DLGAP2: variants seen among roughly 807,000 people sequenced by gnomAD.
DLGAP2 encodes the protein disks large-associated protein 2.
Under a neutral mutation model 100.3 loss-of-function variants are expected in DLGAP2, and 26 were observed. The ratio of observed to expected loss-of-function variants is 0.26; its 90% CI spans 0.19 to 0.36. The LOEUF is 0.36. DLGAP2 is among the 10% of genes least tolerant of loss of function. The pLI is 1.00. For synonymous variants in DLGAP2, 886 were observed against 630.1 expected, an observed-to-expected ratio of 1.41 and a Z score of -6.08; for missense variants, 1,858 against 1,453.2, an observed-to-expected ratio of 1.28 and a Z score of -4.53.
intron 2 of DLGAP2, among the ~76,000 whole-genome samples, chr8:1,052,827 A>C (rs1292773035): frequency 6.6e-6 from 1 of 152,166 alleles, no homozygotes; most frequent in African/African-American, 2.4e-5. Flanking sequence ...ATAGAAACAC[A>C]GGGCAATGAC....
At chr8:824,825 T>C (rs937679719) in intron 1 of DLGAP2, among the ~76,000 whole-genome samples, 2 of 152,102 alleles carry the variant, frequency 1.3e-5, no homozygotes, top group Non-Finnish European at 2.9e-5. Context: ...TGCCCACTGG[T>C]TTGGTGGCAC....
chr8:824,547 C>T (rs1325645824), intron 1 of DLGAP2, among the ~76,000 whole-genome samples: 2 of 152,140 alleles, frequency 1.3e-5, no homozygotes, highest in Non-Finnish European at 2.9e-5. Context: ...GTATTCGTGA[C>T]TCCTGTCCCC....
chr8:923,419 G>A (rs1405898421), intron 2 of DLGAP2, among the ~76,000 whole-genome samples: 2 of 152,252 alleles, frequency 1.3e-5, no homozygotes, highest in Non-Finnish European at 2.9e-5. Flanking sequence ...GCATGGGTGT[G>A]AGTGCTGATG....
intron 3 of DLGAP2, among the ~76,000 whole-genome samples, chr8:1,333,235 AC>A (rs1801198562): frequency 6.6e-6 from 1 of 151,946 alleles, no homozygotes; most frequent in Admixed American, 6.5e-5. Flanking sequence ...ACCCACTGCT[AC>A]CCTGGCCAGG....
intron 2 of DLGAP2, among the ~76,000 whole-genome samples, chr8:1,010,469 C>G (rs1801248527): frequency 1.3e-5 from 2 of 152,242 alleles, no homozygotes. Flanking sequence ...TGTGTGCACA[C>G]ATGTGCACTC....
Position 1,413,322 on chromosome 8 carries a change from T to A in DLGAP2, c.107-88044T>A, listed in dbSNP as rs76422417. Among the ~76,000 whole-genome samples, 533 of 152,274 alleles carry A rather than the reference T, an allele frequency of 3.5e-3. 10 individuals are homozygous for A. In the East Asian group the frequency reaches 0.047, roughly 14 times the overall value. On this transcript the variant is annotated intron_variant, in intron 3 of 14. Transcript: ENST00000637795. ...AGAATGAATAAATGGATAGATATTT[T>A]CAAGAACAGAGGAAGAAAATGAATT...
chr8:919,509 A>G (rs1798664826), intron 2 of DLGAP2, among the ~76,000 whole-genome samples: 1 of 152,136 alleles, frequency 6.6e-6, no homozygotes, highest in African/African-American at 2.4e-5. Context: ...CCTGCTGGGC[A>G]GTGTTCATTT....
At chr8:1,624,541 G>A (rs949495431) in intron 6 of DLGAP2, among the ~76,000 whole-genome samples, 2 of 151,712 alleles carry the variant, frequency 1.3e-5, no homozygotes, top group African/African-American at 2.4e-5. Flanking sequence ...ACTTGTGACC[G>A]TGTCTCAGGA....
intron 1 of DLGAP2, among the ~76,000 whole-genome samples, chr8:898,493 C>G (rs1304790067): frequency 6.6e-6 from 1 of 152,224 alleles, no homozygotes; most frequent in Non-Finnish European, 1.5e-5. Flanking sequence ...CATGCAGCGT[C>G]TGGTTCCCTC....
At chr8:1,408,909 C>A (rs987857864) in intron 3 of DLGAP2, among the ~76,000 whole-genome samples, 8 of 152,230 alleles carry the variant, frequency 5.3e-5, no homozygotes, top group African/African-American at 9.6e-5. Context: ...TCTGCCCACC[C>A]TCCTGGGCCA....
chr8:1,043,419 TGGGTGGTGGATGTGGCTCAC>T (rs1380174651), intron 2 of DLGAP2, among the ~76,000 whole-genome samples: 11 of 150,574 alleles, frequency 7.3e-5, no homozygotes, highest in Non-Finnish European at 1.0e-4. Flanking sequence ...GTGGTGGATG[TGGGTGGTGGATGTGGCTCAC>T]GGGTGGTGGA....
intron 2 of DLGAP2, among the ~76,000 whole-genome samples, chr8:1,146,772 T>A (rs893776861): frequency 2.6e-5 from 4 of 152,302 alleles, no homozygotes; most frequent in South Asian, 4.2e-4. Context: ...GGACAAGCCG[T>A]CCCCACTGTC....
At chr8:1,491,940 C>T (rs766121609) in intron 3 of DLGAP2, among the ~76,000 whole-genome samples, 3 of 152,300 alleles carry the variant, frequency 2.0e-5, no homozygotes, top group Non-Finnish European at 4.4e-5. Flanking sequence ...GAGCGGGACG[C>T]GAGGGGGTGA....
intron 2 of DLGAP2, among the ~76,000 whole-genome samples, chr8:1,018,041 C>T (rs980562809): frequency 6.6e-6 from 1 of 152,108 alleles, no homozygotes; most frequent in Non-Finnish European, 1.5e-5. Flanking sequence ...TGACCCCTGC[C>T]CCTACAGGCC....
At chr8:795,058 GGACCACAGAACACTGTTTAGATACCT>G (rs1795995608) in intron 1 of DLGAP2, among the ~76,000 whole-genome samples, 1 of 152,074 alleles carries the variant, frequency 6.6e-6, no homozygotes, top group African/African-American at 2.4e-5. Context: ...CTTGGCATAC[GGACCACAGAACACTGTTTAGATACCT>G]GACTGCATTT....
intron 3 of DLGAP2, among the ~76,000 whole-genome samples, chr8:1,341,874 C>G (rs1488776085): frequency 1.3e-5 from 2 of 152,208 alleles, no homozygotes; most frequent in Non-Finnish European, 2.9e-5. Flanking sequence ...TCAGTTCATG[C>G]ACTGTGGGAT....
intron 3 of DLGAP2, among the ~76,000 whole-genome samples, chr8:1,336,200 G>A (rs1344776057): frequency 6.6e-6 from 1 of 152,246 alleles, no homozygotes; most frequent in African/African-American, 2.4e-5. Context: ...TCAATGAATG[G>A]TTTTGAATGT....
chr8:1,463,507 G>A (rs987171668), intron 3 of DLGAP2, among the ~76,000 whole-genome samples: 2 of 152,238 alleles, frequency 1.3e-5, no homozygotes, highest in African/African-American at 4.8e-5. Flanking sequence ...CTCGGGTATG[G>A]TTGGCTCAGG....
At chr8:1,384,075 T>C (rs998962199) in intron 3 of DLGAP2, among the ~76,000 whole-genome samples, 2 of 152,096 alleles carry the variant, frequency 1.3e-5, no homozygotes, top group Admixed American at 1.3e-4. Context: ...GGAAACAGTA[T>C]ACACTTATTT....
Sources: gnomAD v4.1 joint callset for allele counts (sites outside exome capture counted in the v4.1 genomes callset) on GRCh38, gnomAD v4.1.1 for gene constraint, MANE v1.5 for transcripts, NCBI Gene and HGNC (gene_info 2026-07-23, HGNC 2026-07-21) for gene names.